PRICKLE2: variants seen among roughly 807,000 people sequenced by gnomAD.
PRICKLE2 encodes the protein prickle planar cell polarity protein 2, also known as prickle-like protein 2.
A neutral mutation model predicts 81.4 loss-of-function variants in PRICKLE2; 21 were observed. The observed-to-expected ratio is 0.26, with a 90% CI of 0.18 to 0.37. The LOEUF is 0.37. PRICKLE2 is among the 10% of genes least tolerant of loss of function. PRICKLE2 has a pLI of 1.00. For missense variants in PRICKLE2, 940 were observed against 1,109.0 expected (o/e 0.85, Z 2.16); for synonymous variants, 456 against 421.5 (o/e 1.08, Z -1.00).
At chr3:64,251,439 CA>C (rs896757787) in intron 2 of PRICKLE2, among the ~76,000 whole-genome samples, 25 of 152,296 alleles carry the variant, frequency 1.6e-4, no homozygotes, top group Admixed American at 1.4e-3. Flanking sequence ...GTCAGTGGGA[CA>C]GGGGGGCAAG....
chr3:64,179,296 G>A (rs1390946914), intron 2 of PRICKLE2, among the ~76,000 whole-genome samples: 4 of 151,850 alleles, frequency 2.6e-5, no homozygotes, highest in Non-Finnish European at 4.4e-5. Flanking sequence ...GGCTGGACTC[G>A]AACTCACTAC....
chr3:64,166,477 A>C (rs1365890068), intron 2 of PRICKLE2, among the ~76,000 whole-genome samples: 1 of 152,152 alleles, frequency 6.6e-6, no homozygotes. Flanking sequence ...ATCCATCCTA[A>C]AGACTGAATT....
intron 2 of PRICKLE2, among the ~76,000 whole-genome samples, chr3:64,193,724 C>G (rs1248117178): frequency 6.6e-6 from 1 of 152,122 alleles, no homozygotes; most frequent in African/African-American, 2.4e-5. Flanking sequence ...TGGGGCAGGT[C>G]TTTCCCATGA....
rs2079203148 is a variant in PRICKLE2, at chr3:64,237,723, G to T, written c.129-38756C>A. Among the ~76,000 whole-genome samples, 4 of 151,822 alleles carry T rather than the reference G, an allele frequency of 2.6e-5. No homozygotes were observed. The South Asian group carries it at 8.3e-4, about 32-fold the overall frequency. On this transcript the variant is annotated intron_variant, in intron 2 of 8. Transcript: ENST00000295902. ...GGCTTGAGGGTAGGGCTTCACCGGG[G>T]GGCCCCACCCTTTTCTGCCTAGTAT...
chr3:64,254,383 C>G (rs1385085371), intron 2 of PRICKLE2, among the ~76,000 whole-genome samples: 1 of 152,120 alleles, frequency 6.6e-6, no homozygotes, highest in East Asian at 1.9e-4. Flanking sequence ...AGGTATTGTT[C>G]CTGTCTCCCA....
intron 2 of PRICKLE2, chr3:64,163,893 C>A (rs1489279293): frequency 7.1e-6 from 1 of 141,422 alleles, no homozygotes; most frequent in African/African-American, 2.6e-5. Flanking sequence ...AGAGAAAAAA[C>A]TGGCTAATAC....
chr3:64,127,005 G>C (rs995023898), intron 7 of PRICKLE2, among the ~76,000 whole-genome samples: 2 of 152,176 alleles, frequency 1.3e-5, no homozygotes, highest in African/African-American at 4.8e-5. Context: ...CTATGCATCA[G>C]GCAGTGCTCC....
At chr3:64,201,553 C>T (rs1408816914) in intron 1 of PRICKLE2, among the ~76,000 whole-genome samples, 2 of 152,044 alleles carry the variant, frequency 1.3e-5, no homozygotes, top group African/African-American at 4.8e-5. Flanking sequence ...AGAGACATGT[C>T]TATACAAATC....
intron 1 of PRICKLE2, among the ~76,000 whole-genome samples, chr3:64,220,063 C>G (rs1216414750): frequency 2.0e-5 from 3 of 152,196 alleles, no homozygotes; most frequent in Non-Finnish European, 4.4e-5. Flanking sequence ...GACACATAGA[C>G]ACCCAAAACA....
At chr3:64,119,818 A>G (rs1024880070) in intron 7 of PRICKLE2, among the ~76,000 whole-genome samples, 1 of 152,258 alleles carries the variant, frequency 6.6e-6, no homozygotes. Context: ...GATGCTCATC[A>G]ATGGTGGACT....
intron 1 of PRICKLE2, chr3:64,200,002 A>G (rs542471856): frequency 1.5e-4 from 23 of 152,334 alleles, no homozygotes; most frequent in Non-Finnish European, 2.5e-4. Context: ...ACAAACCATA[A>G]AACTCACCAT....
At chr3:64,227,189 G>A (rs1303668831), upstream of PRICKLE2, among the ~76,000 whole-genome samples, 2 of 152,184 alleles carry the variant, frequency 1.3e-5, no homozygotes, top group Non-Finnish European at 2.9e-5. Context: ...TTCTCAGTAA[G>A]AGAAATAAAA....
At chr3:64,180,251 T>C (rs1481239941) in intron 2 of PRICKLE2, among the ~76,000 whole-genome samples, 1 of 152,254 alleles carries the variant, frequency 6.6e-6, no homozygotes, top group Non-Finnish European at 1.5e-5. Context: ...CATGTGGTCC[T>C]TGAAGGGACT....
chr3:64,192,494 T>C (rs2078361222), intron 2 of PRICKLE2, among the ~76,000 whole-genome samples: 1 of 152,228 alleles, frequency 6.6e-6, no homozygotes, highest in Non-Finnish European at 1.5e-5. Flanking sequence ...GCCAAAGTAG[T>C]TCTTTGAGGA....
chr3:64,268,025 G>C (rs560057516), intron 2 of PRICKLE2: 1 of 152,232 alleles, frequency 6.6e-6, no homozygotes, highest in Non-Finnish European at 1.5e-5. Flanking sequence ...GGAACCCAGC[G>C]GGGCGTCGGC....
intron 7 of PRICKLE2, among the ~76,000 whole-genome samples, chr3:64,121,117 C>T (rs760408212): frequency 6.6e-6 from 1 of 152,176 alleles, no homozygotes; most frequent in African/African-American, 2.4e-5. Flanking sequence ...CAGCTGCTTA[C>T]CTGGTAGGAG....
upstream of PRICKLE2, among the ~76,000 whole-genome samples, chr3:64,226,685 A>G (rs545209781): frequency 3.9e-5 from 6 of 152,362 alleles, no homozygotes; most frequent in South Asian, 2.1e-4. Flanking sequence ...GAGGCATACT[A>G]TCTACTAGGC....
chr3:64,189,999 T>C (rs536295216), intron 2 of PRICKLE2, among the ~76,000 whole-genome samples: 2 of 152,328 alleles, frequency 1.3e-5, no homozygotes, highest in African/African-American at 4.8e-5. Context: ...CACCGAGCAC[T>C]GCATGGGCTC....
chr3:64,194,801 T>A (rs1280801133), intron 2 of PRICKLE2, among the ~76,000 whole-genome samples: 1 of 152,162 alleles, frequency 6.6e-6, no homozygotes, highest in East Asian at 1.9e-4. Context: ...CATCCTGTAA[T>A]CTCAGCACTT....
Sources: gnomAD v4.1 joint callset for allele counts (sites outside exome capture counted in the v4.1 genomes callset) on GRCh38, gnomAD v4.1.1 for gene constraint, MANE v1.5 for transcripts, NCBI Gene and HGNC (gene_info 2026-07-23, HGNC 2026-07-21) for gene names.